Variants in EEF1G observed in about 807,000 individuals in gnomAD.
The protein encoded by EEF1G is elongation factor 1-gamma.
In EEF1G, 14 loss-of-function variants were observed where a neutral mutation model predicts 58.3. That is an observed-to-expected ratio of 0.24 (90% confidence interval 0.16 to 0.38). The LOEUF (loss-of-function observed/expected upper bound fraction) is 0.38. EEF1G is among the 10% of genes least tolerant of loss of function. The pLI, the probability that EEF1G is intolerant of heterozygous loss-of-function variation, is 1.00. For missense variants in EEF1G, 322 were observed against 550.1 expected, an observed-to-expected ratio of 0.59 and a Z score of 4.15; for synonymous variants, 180 against 206.8, an observed-to-expected ratio of 0.87 and a Z score of 1.11.
In EEF1G at chr11:62,571,697, C is replaced by G. The variant is rs1282267807; in HGVS notation, c.236-15G>C. On this transcript the variant is annotated splice_polypyrimidine_tract_variant and intron_variant, in intron 3 of 9. Coordinates refer to ENST00000329251, the MANE Select transcript of EEF1G (RefSeq NM_001404.5). ...CTCATTGCTCACTGCAGAGGCAGAACACGAAGGTCAGAACTCTGGGGGAAT... is the reference window on the plus strand; with the variant it reads ...CTCATTGCTCACTGCAGAGGCAGAAGACGAAGGTCAGAACTCTGGGGGAAT... The G allele has an allele frequency of 3.8e-6, 6 of 1,582,386 alleles. No individual in the cohort carries two copies. In the African/African-American group the frequency reaches 6.7e-5, roughly 18 times the overall value.
At chr11:62,572,151 A>C (rs928140070) in intron 2 of EEF1G, among the ~76,000 whole-genome samples, 2 of 152,040 alleles carry the variant, frequency 1.3e-5, no homozygotes, top group African/African-American at 2.4e-5. Context: ...TCTCTGGATC[A>C]AACAAGCAGA....
At chr11:62,564,415 GATC>G (rs1369644459) in intron 7 of EEF1G, among the ~76,000 whole-genome samples, 1 of 141,090 alleles carries the variant, frequency 7.1e-6, no homozygotes, top group African/African-American at 2.7e-5. Flanking sequence ...AGTAAGCCGA[GATC>G]ACACCACTGC....
intron 5 of EEF1G, among the ~76,000 whole-genome samples, chr11:62,569,955 TA>T (rs1268319568): frequency 6.6e-6 from 1 of 151,866 alleles, no homozygotes; most frequent in African/African-American, 2.4e-5. Flanking sequence ...TTGCAAAGAG[TA>T]AAAAACAGGA....
chr11:62,569,306 C>G (rs1941596773), intron 5 of EEF1G, among the ~76,000 whole-genome samples: 1 of 152,124 alleles, frequency 6.6e-6, no homozygotes, highest in Non-Finnish European at 1.5e-5. Flanking sequence ...AAAACCCCAT[C>G]TCTGCTAAAA....
chr11:62,565,878 C>T (rs928170436), intron 7 of EEF1G, among the ~76,000 whole-genome samples: 8 of 152,146 alleles, frequency 5.3e-5, no homozygotes, highest in African/African-American at 1.9e-4. Context: ...GTGTCCCTAC[C>T]AGTGGGTGCT....
At position 62,566,867 on chromosome 11, in the gene EEF1G, A is replaced by G. The variant is rs1047756579; in HGVS notation, c.796T>C (p.Cys266Arg). The G allele has an allele frequency of 1.1e-5, 17 of 1,613,326 alleles. No individual in the cohort carries two copies. The highest frequency in any genetic ancestry group is 1.3e-5 in the Non-Finnish European group (15 of 1,179,776). ...APAPEEEMDECEQALAAEPKA... is the reference protein window; with the variant it reads ...APAPEEEMDEREQALAAEPKA... Reference sequence around the variant, plus strand: ...GGCTCAGCAGCCAGCGCCTGCTCACATTCATCCATCTCCTCCTCAGGAGCA... The same window carrying G: ...GGCTCAGCAGCCAGCGCCTGCTCACGTTCATCCATCTCCTCCTCAGGAGCA... Residue 266 changes from cysteine (C) to arginine (R), a missense_variant, in exon 7 of 10, where the codon TGT becomes CGT. Transcript: ENST00000329251.
At chr11:62,564,947 A>G (rs1397724469) in intron 7 of EEF1G, among the ~76,000 whole-genome samples, 1 of 150,852 alleles carries the variant, frequency 6.6e-6, no homozygotes, top group Non-Finnish European at 1.5e-5. Context: ...CGCGCCTGTC[A>G]TTGTAGTCCC....
chr11:62,562,006 A>C (rs752078453), intron 7 of EEF1G, among the ~76,000 whole-genome samples: 12 of 152,224 alleles, frequency 7.9e-5, no homozygotes, highest in Non-Finnish European at 1.6e-4. Context: ...CAATGTATGA[A>C]GTTCCCAGGA....
rs1346826216 is a variant in EEF1G at position 62,571,875 on chromosome 11, T to C, written c.198A>G (p.Gly66=). The C allele has an allele frequency of 1.3e-6, 2 of 1,586,826 alleles. No individual in the cohort carries two copies. Among genetic ancestry groups the C allele is most frequent in the Non-Finnish European group, 1.7e-6 (2 of 1,166,424 alleles). The change falls in exon 3 of 10, where the codon GGA becomes GGG. Residue 66 remains glycine (G), a synonymous_variant. Coordinates refer to ENST00000329251, the MANE Select transcript of EEF1G (RefSeq NM_001404.5). ...GKVPAFEGDD[G]FCVFESNAIA... is the part of the protein sequence containing the mutation. ...TGGCGTTGCTCTCAAACACACAGAA[T>C]CCATCATCACCCTCAAATGCTGGGA...
intron 9 of EEF1G, 76 bp downstream of exon 9, chr11:62,559,993 A>T (rs2134288793): frequency 5.6e-6 from 9 of 1,608,338 alleles, no homozygotes; most frequent in Non-Finnish European, 6.8e-6. Context: ...AACATCCATC[A>T]ACTCAGAAAT....
chr11:62,561,510 TAAAAAA>T (rs71458419), intron 7 of EEF1G, among the ~76,000 whole-genome samples: 3 of 102,356 alleles, frequency 2.9e-5, no homozygotes, highest in African/African-American at 1.2e-4. Flanking sequence ...CTATCTCTAC[TAAAAAA>T]AAAAAAAAAA....
chr11:62,569,805 G>A (rs1228884535), intron 5 of EEF1G, among the ~76,000 whole-genome samples: 1 of 151,602 alleles, frequency 6.6e-6, no homozygotes, highest in Non-Finnish European at 1.5e-5. Context: ...CATGCAGTAA[G>A]TGTTTTTTCT....
At chr11:62,572,046 A>C (rs865966225) in intron 2 of EEF1G, 145 bp from the exon 3 acceptor site, 3 of 725,400 alleles carry the variant, frequency 4.1e-6, no homozygotes, top group South Asian at 3.7e-5. Context: ...ACCATAAATA[A>C]ATACTTCAAG....
intron 7 of EEF1G, 107 bp from the exon 8 acceptor site, chr11:62,560,561 C>T: frequency 1.5e-6 from 2 of 1,304,556 alleles, no homozygotes; most frequent in Non-Finnish European, 2.1e-6. Flanking sequence ...AGGAAATGGT[C>T]ATTGTGCTGG....
chr11:62,569,009 T>C (rs948489142), intron 5 of EEF1G, among the ~76,000 whole-genome samples: 1 of 151,220 alleles, frequency 6.6e-6, no homozygotes, highest in Admixed American at 6.6e-5. Flanking sequence ...CAGAGGGCTA[T>C]CGAGGACTTT....
chr11:62,562,302 G>A (rs563817964), intron 7 of EEF1G, among the ~76,000 whole-genome samples: 14 of 152,206 alleles, frequency 9.2e-5, no homozygotes, highest in East Asian at 3.9e-4. Context: ...AGCGTTAGCC[G>A]TCTCTTGGTT....
At chr11:62,564,485 G>A (rs1007862233) in intron 7 of EEF1G, among the ~76,000 whole-genome samples, 9 of 149,992 alleles carry the variant, frequency 6.0e-5, no homozygotes, top group East Asian at 1.9e-4. Flanking sequence ...AAAAAAGGCC[G>A]GGAGCAGTGG....
intron 7 of EEF1G, among the ~76,000 whole-genome samples, chr11:62,561,088 CTGT>C (rs1941488875): frequency 6.6e-6 from 1 of 152,078 alleles, no homozygotes; most frequent in African/African-American, 2.4e-5. Context: ...GATTGGTGCT[CTGT>C]TTTCTTTCTT....
intron 7 of EEF1G, among the ~76,000 whole-genome samples, chr11:62,563,380 C>T (rs1247531795): frequency 6.6e-6 from 1 of 152,110 alleles, no homozygotes; most frequent in African/African-American, 2.4e-5. Flanking sequence ...TCGTGATCCA[C>T]CCGCCTCAGC....
Sources: gnomAD v4.1 joint callset for allele counts (sites outside exome capture counted in the v4.1 genomes callset) on GRCh38, gnomAD v4.1.1 for gene constraint, MANE v1.5 for transcripts, NCBI Gene and HGNC (gene_info 2026-07-23, HGNC 2026-07-21) for gene names.